The following SLC36A4 variants were observed in gnomAD, a reference collection of about 807,000 sequenced individuals.
The protein encoded by SLC36A4 is neutral amino acid uniporter 4.
In SLC36A4, 49 loss-of-function variants were observed where a neutral mutation model predicts 50.5. The ratio of observed to expected loss-of-function variants is 0.97; its 90% confidence interval spans 0.77 to 1.23. The LOEUF is 1.23. Among genes scored for constraint, SLC36A4 ranks in the 50% most tolerant of loss-of-function variants. The pLI is 0.00. For synonymous variants in SLC36A4, 207 were observed against 206.5 expected (o/e 1.00, Z -0.02); for missense variants, 611 against 608.4 (o/e 1.00, Z -0.05).
intron 9 of SLC36A4, among the ~76,000 whole-genome samples, chr11:93,157,361 T>A (rs1860415073): frequency 6.6e-6 from 1 of 152,152 alleles, no homozygotes; most frequent in Non-Finnish European, 1.5e-5. Context: ...TTTAAAATAG[T>A]TTTTTCTAGT....
intron 9 of SLC36A4, among the ~76,000 whole-genome samples, chr11:93,162,368 G>A (rs746945793): frequency 1.3e-5 from 2 of 151,980 alleles, no homozygotes; most frequent in African/African-American, 2.4e-5. Flanking sequence ...GATTGCAATG[G>A]TGTGATCTCA....
At chr11:93,181,002 G>A in intron 5 of SLC36A4, 121 bp from the exon 6 acceptor site, 1 of 711,970 alleles carries the variant, frequency 1.4e-6, no homozygotes, top group East Asian at 2.8e-5. Context: ...TACTCAGTAT[G>A]TCAGGAACTC....
intron 10 of SLC36A4, among the ~76,000 whole-genome samples, chr11:93,153,538 A>G (rs1190552168): frequency 1.3e-5 from 2 of 152,020 alleles, no homozygotes; most frequent in Non-Finnish European, 1.5e-5. Context: ...TCCAAAACTT[A>G]CACTCTTTCC....
At chr11:93,185,002 T>TA (rs1371223604) in intron 2 of SLC36A4, among the ~76,000 whole-genome samples, 1 of 152,008 alleles carries the variant, frequency 6.6e-6, no homozygotes, top group African/African-American at 2.4e-5. Context: ...GAAGTTAATT[T>TA]AAAAAAAATA....
intron 6 of SLC36A4, chr11:93,170,127 G>A (rs1218323324): frequency 6.6e-6 from 1 of 151,932 alleles, no homozygotes; most frequent in African/African-American, 2.4e-5. Context: ...CAAGATTCAG[G>A]TAAACATTTG....
At chr11:93,153,530 C>T (rs1860203354) in intron 10 of SLC36A4, among the ~76,000 whole-genome samples, 1 of 151,812 alleles carries the variant, frequency 6.6e-6, no homozygotes, top group South Asian at 2.1e-4. Flanking sequence ...TGTCTGACTC[C>T]AAAACTTACA....
At chr11:93,188,033 C>T (rs1862064988) in intron 1 of SLC36A4, among the ~76,000 whole-genome samples, 1 of 152,132 alleles carries the variant, frequency 6.6e-6, no homozygotes, top group Admixed American at 6.5e-5. Context: ...GTGCTTGATC[C>T]AGTTTCCTGC....
intron 6 of SLC36A4, among the ~76,000 whole-genome samples, chr11:93,179,043 GAAAATGGGA>G (rs2134687443): frequency 6.6e-6 from 1 of 152,276 alleles, no homozygotes; most frequent in Admixed American, 6.5e-5. Context: ...AGTTCACAGA[GAAAATGGGA>G]AAAATGGGTG....
chr11:93,152,193 A>G (rs529156760), intron 10 of SLC36A4: 1 of 152,238 alleles, frequency 6.6e-6, no homozygotes, highest in Admixed American at 6.6e-5. Context: ...TCAATTTTCA[A>G]TGCAAATCAG....
At chr11:93,174,703 A>T (rs944497605) in intron 6 of SLC36A4, among the ~76,000 whole-genome samples, 2 of 141,366 alleles carry the variant, frequency 1.4e-5, no homozygotes, top group Non-Finnish European at 3.1e-5. Flanking sequence ...CTATTGAGAT[A>T]ATCATGTGGT....
Position 93,145,003 on chromosome 11 carries a change from TGAAGAAA to T in SLC36A4, c.*3527_*3533del, listed in dbSNP as rs1167224106. ...CTATTTCAAATCTTCTCCTTTTAAA[TGAAGAAA>T]GAAGTGAGGTCAAGACCTAGTTTGT... On this transcript the variant is annotated 3_prime_UTR_variant, in exon 11 of 11. Transcript: ENST00000326402. 3 of 151,996 alleles carry T rather than the reference TGAAGAAA, an allele frequency of 2.0e-5. No homozygotes were observed. Among genetic ancestry groups the T allele is most frequent in the African/African-American group, 7.2e-5 (3 of 41,426 alleles). The allele number at this position is 151,996 out of a possible 1,614,324, so 9.4% of individuals were successfully genotyped here.
chr11:93,181,571 G>A (rs1861734330), intron 5 of SLC36A4, 120 bp downstream of exon 5: 3 of 693,740 alleles, frequency 4.3e-6, no homozygotes, highest in Non-Finnish European at 6.3e-6. Context: ...TAACTCTAAG[G>A]GTTACATATG....
At chr11:93,183,349 T>C (rs1428506813) in intron 3 of SLC36A4, among the ~76,000 whole-genome samples, 3 of 152,176 alleles carry the variant, frequency 2.0e-5, no homozygotes, top group East Asian at 1.9e-4. Context: ...GCTTATAAAA[T>C]AATTATTTCA....
chr11:93,150,609 T>C (rs926772620), intron 10 of SLC36A4, among the ~76,000 whole-genome samples: 4 of 152,010 alleles, frequency 2.6e-5, no homozygotes, highest in African/African-American at 9.7e-5. Flanking sequence ...TAATTGACTC[T>C]AAAGAAGTAG....
intron 1 of SLC36A4, among the ~76,000 whole-genome samples, chr11:93,195,089 G>C (rs1004915695): frequency 2.6e-5 from 4 of 151,406 alleles, no homozygotes; most frequent in African/African-American, 9.7e-5. Context: ...CCCTTCAAGT[G>C]AGTGATTCAA....
At chr11:93,174,412 C>T (rs929275827) in intron 6 of SLC36A4, among the ~76,000 whole-genome samples, 29 of 149,856 alleles carry the variant, frequency 1.9e-4, no homozygotes, top group African/African-American at 5.9e-4. Context: ...ATTTGACTTC[C>T]TCTTTTCCTA....
rs1859874795 is a variant in SLC36A4, at chr11:93,147,321, T to A, written c.*1216A>T. ...ATTCTGCTCATAATAAATAAAAGGC[T>A]GTGATAAGAAAAGCCACAGGGCTGG... On this transcript the variant is annotated 3_prime_UTR_variant, in exon 11 of 11. Transcript: ENST00000326402. 1 of 152,050 alleles carries A rather than the reference T, an allele frequency of 6.6e-6. No homozygotes were observed. Among genetic ancestry groups the A allele is most frequent in the African/African-American group, 2.4e-5 (1 of 41,416 alleles). The allele number at this position is 152,050 out of a possible 1,614,324, so 9.4% of individuals were successfully genotyped here. A position where few individuals can be genotyped will look rare whatever the true frequency, so the allele number is the denominator to read the frequency against.
intron 6 of SLC36A4, among the ~76,000 whole-genome samples, chr11:93,174,931 G>A (rs944634925): frequency 3.3e-5 from 5 of 149,300 alleles, no homozygotes; most frequent in African/African-American, 4.9e-5. Flanking sequence ...GTCTCTGCCC[G>A]GCTTTGGTAT....
intron 2 of SLC36A4, chr11:93,185,075 G>A (rs1177426583): frequency 1.3e-5 from 2 of 152,176 alleles, no homozygotes; most frequent in Admixed American, 1.3e-4. Flanking sequence ...TAGATACTAT[G>A]AATTCTGTAA....
Sources: allele counts gnomAD v4.1 joint callset (sites outside exome capture counted in the v4.1 genomes callset), GRCh38; gene constraint gnomAD v4.1.1; transcripts MANE v1.5; gene names NCBI Gene and HGNC (gene_info 2026-07-23, HGNC 2026-07-21).